SLCO1B3: variants seen among roughly 807,000 people sequenced by gnomAD.
SLCO1B3 encodes the protein liver-specific organic anion transporter 2.
A neutral mutation model predicts 71.8 loss-of-function variants in SLCO1B3; 72 were observed. The ratio of observed to expected loss-of-function variants is 1.00; its 90% CI spans 0.83 to 1.22. The LOEUF is 1.22. Ranked by LOEUF, SLCO1B3 falls within the 50% of genes most tolerant of loss-of-function variation. The pLI, the probability that SLCO1B3 is intolerant of heterozygous loss-of-function variation, is 0.00. For missense variants in SLCO1B3, 911 were observed against 819.7 expected (o/e 1.11, Z -1.36); for synonymous variants, 298 against 278.4 (o/e 1.07, Z -0.70).
intron 8 of SLCO1B3, among the ~76,000 whole-genome samples, chr12:20,863,981 T>C (rs1865323603): frequency 6.6e-6 from 1 of 152,142 alleles, no homozygotes; most frequent in Non-Finnish European, 1.5e-5. Context: ...ACTCAACCTG[T>C]GAAAAGCTGG....
intron 5 of SLCO1B3, among the ~76,000 whole-genome samples, chr12:20,860,355 T>C (rs1230287780): frequency 6.6e-6 from 1 of 152,146 alleles, no homozygotes; most frequent in Admixed American, 6.5e-5. Flanking sequence ...GAGTGTGAAA[T>C]TTCCAAAGTA....
rs1209683933 is a variant in SLCO1B3 at position 20,901,398 on chromosome 12, GTA to G, written c.1798_1799del (p.Met600GlufsTer14). 2.5e-6 allele frequency: 4 copies of G among 1,590,490 alleles called. No homozygotes were observed. Among genetic ancestry groups the G allele is most frequent in the Non-Finnish European group, 2.6e-6 (3 of 1,172,332 alleles). On this transcript the variant is annotated frameshift_variant, in exon 15 of 16. Transcript: ENST00000381545. LOFTEE classifies it high-confidence loss of function. ...TTTGGGGCTCTGATTGATAAAACAT[GTA>G]TGAAGTGGTCCACCAACAGCTGTGG...
intron 3 of SLCO1B3, among the ~76,000 whole-genome samples, chr12:20,818,551 C>T (rs142610739): frequency 0.021 from 3,167 of 152,144 alleles, 96 homozygotes; most frequent in African/African-American, 0.071. Context: ...GGGGGCAAAT[C>T]CTCGAGCTTG....
chr12:20,894,395 G>A (rs1046598230), intron 13 of SLCO1B3, among the ~76,000 whole-genome samples: 1 of 152,086 alleles, frequency 6.6e-6, no homozygotes, highest in Non-Finnish European at 1.5e-5. Context: ...GTGTGTGATT[G>A]TTATTGTATA....
intron 6 of SLCO1B3, among the ~76,000 whole-genome samples, 159 bp from the exon 7 acceptor site, chr12:20,862,253 C>A (rs1054161466): frequency 6.6e-6 from 1 of 152,020 alleles, no homozygotes; most frequent in Admixed American, 6.6e-5. Context: ...TTTCTTTGTG[C>A]CCTTCCTTAT....
intron 11 of SLCO1B3, among the ~76,000 whole-genome samples, chr12:20,880,429 A>C (rs1865666139): frequency 6.6e-6 from 1 of 152,044 alleles, no homozygotes; most frequent in Non-Finnish European, 1.5e-5. Flanking sequence ...AGGATTTTAA[A>C]GTGAGCTTAG....
At chr12:20,866,766 G>C (rs1267859127) in intron 8 of SLCO1B3, among the ~76,000 whole-genome samples, 1 of 152,068 alleles carries the variant, frequency 6.6e-6, no homozygotes, top group Non-Finnish European at 1.5e-5. Context: ...TATTAATGAG[G>C]AAGATAAGTG....
chr12:20,872,201 C>A (rs78246358), intron 8 of SLCO1B3, among the ~76,000 whole-genome samples: 2,185 of 152,034 alleles, frequency 0.014, 50 homozygotes, highest in African/African-American at 0.05. Context: ...GCCAGGCCAC[C>A]ACCCATGTTC....
chr12:20,870,342 T>G (rs1209535728), intron 8 of SLCO1B3, among the ~76,000 whole-genome samples: 1 of 152,144 alleles, frequency 6.6e-6, no homozygotes, highest in African/African-American at 2.4e-5. Flanking sequence ...GTTTGACCAG[T>G]TCCATTTGTC....
At chr12:20,874,583 G>A (rs1865541471) in intron 8 of SLCO1B3, among the ~76,000 whole-genome samples, 1 of 152,100 alleles carries the variant, frequency 6.6e-6, no homozygotes, top group South Asian at 2.1e-4. Flanking sequence ...TTGAGATATA[G>A]CATTTACACA....
At chr12:20,904,102 T>C (rs1248108856) in intron 15 of SLCO1B3, among the ~76,000 whole-genome samples, 6 of 151,796 alleles carry the variant, frequency 4.0e-5, no homozygotes, top group Non-Finnish European at 7.4e-5. Flanking sequence ...TAGCCAGGCA[T>C]TGTAGTGGGT....
intron 8 of SLCO1B3, among the ~76,000 whole-genome samples, chr12:20,871,235 G>A (rs1032060781): frequency 1.3e-5 from 2 of 152,026 alleles, no homozygotes; most frequent in Non-Finnish European, 2.9e-5. Flanking sequence ...CCATTTTTTG[G>A]AATGGTTTGA....
intron 15 of SLCO1B3, among the ~76,000 whole-genome samples, chr12:20,914,197 T>C (rs904125211): frequency 5.9e-5 from 9 of 152,212 alleles, no homozygotes; most frequent in African/African-American, 2.2e-4. Flanking sequence ...ATTTTTGTAT[T>C]CCACTCTCTG....
chr12:20,875,029 C>G (rs1165335231), intron 8 of SLCO1B3, among the ~76,000 whole-genome samples: 1 of 152,098 alleles, frequency 6.6e-6, no homozygotes, highest in Non-Finnish European at 1.5e-5. Context: ...TGACTGACTC[C>G]TGGACAATAG....
chr12:20,824,917 A>G (rs1864388974), intron 3 of SLCO1B3, among the ~76,000 whole-genome samples: 1 of 152,164 alleles, frequency 6.6e-6, no homozygotes, highest in South Asian at 2.1e-4. Flanking sequence ...GGTCATTGTA[A>G]AAGAAATCAT....
intron 3 of SLCO1B3, among the ~76,000 whole-genome samples, chr12:20,821,690 G>T (rs1228448968): frequency 2.6e-5 from 4 of 152,092 alleles, no homozygotes; most frequent in Non-Finnish European, 5.9e-5. Context: ...ATGGAGAGAA[G>T]GGGTTGGGGT....
chr12:20,894,183 A>G (rs539653842), intron 13 of SLCO1B3, among the ~76,000 whole-genome samples: 2 of 152,278 alleles, frequency 1.3e-5, no homozygotes, highest in Admixed American at 6.5e-5. Context: ...AGCACATTTA[A>G]CTTCTTAGGG....
chr12:20,836,785 G>A (rs1864691105), intron 3 of SLCO1B3, among the ~76,000 whole-genome samples: 1 of 152,006 alleles, frequency 6.6e-6, no homozygotes, highest in African/African-American at 2.4e-5. Context: ...GGGACTACAG[G>A]CACCCACCAC....
chr12:20,865,212 C>T (rs1274946091), intron 8 of SLCO1B3, among the ~76,000 whole-genome samples: 1 of 152,108 alleles, frequency 6.6e-6, no homozygotes, highest in African/African-American at 2.4e-5. Context: ...TAAGTAAACA[C>T]TTAGCATGTA....
Sources: gnomAD v4.1 joint callset for allele counts (sites outside exome capture counted in the v4.1 genomes callset) on GRCh38, gnomAD v4.1.1 for gene constraint, MANE v1.5 for transcripts, NCBI Gene and HGNC (gene_info 2026-07-23, HGNC 2026-07-21) for gene names.